Variants in TUSC3 observed in about 807,000 individuals in gnomAD.
TUSC3 encodes the protein dolichyl-diphosphooligosaccharide--protein glycosyltransferase subunit TUSC3.
In TUSC3, 45 loss-of-function variants were observed where a neutral mutation model predicts 44.8. That is an observed-to-expected ratio of 1.00 (90% confidence interval 0.79 to 1.29). The LOEUF (loss-of-function observed/expected upper bound fraction) is 1.29. Ranked by LOEUF, TUSC3 falls within the 50% of genes most tolerant of loss-of-function variation. The pLI is 0.00. For synonymous variants in TUSC3, 212 were observed against 152.9 expected (o/e 1.39, Z -2.85); for missense variants, 519 against 437.9 (o/e 1.19, Z -1.65).
At chr8:15,513,295 T>G (rs1044846241) in intron 2 of TUSC3, among the ~76,000 whole-genome samples, 5 of 151,958 alleles carry the variant, frequency 3.3e-5, no homozygotes, top group Middle Eastern at 3.4e-3. Flanking sequence ...TAGTCATGGG[T>G]AAAAAAAACT....
At chr8:15,578,196 A>T (rs1193232690) in intron 1 of TUSC3, among the ~76,000 whole-genome samples, 1 of 117,506 alleles carries the variant, frequency 8.5e-6, no homozygotes, top group African/African-American at 3.4e-5. Flanking sequence ...GTTGCTTATC[A>T]GCTTAAGGAG....
chr8:15,515,022 A>G (rs1801197554), intron 2 of TUSC3, among the ~76,000 whole-genome samples: 1 of 152,168 alleles, frequency 6.6e-6, no homozygotes, highest in African/African-American at 2.4e-5. Context: ...ATCTATCAAT[A>G]CATGTTTTTG....
chr8:15,450,478 G>T (rs865840949), intron 1 of TUSC3, among the ~76,000 whole-genome samples: 5 of 152,276 alleles, frequency 3.3e-5, no homozygotes, highest in Middle Eastern at 3.4e-3. Context: ...AAGGTCAGGA[G>T]TTCAAGCCCA....
the TUSC3 span, among the ~76,000 whole-genome samples, chr8:15,791,320 CG>C: frequency 6.6e-6 from 1 of 151,732 alleles, no homozygotes; most frequent in Non-Finnish European, 1.5e-5. Flanking sequence ...TCTTGAAATA[CG>C]ATTATCCATA....
rs111404956 is a variant in TUSC3, at chr8:15,644,548, A to G, written c.309-6149A>G. ...CATCAGTCCAAGCTGACAGAAACATATTCAAGGATCCTCTGAATTTCTTTA... is the reference window on the plus strand; with the variant it reads ...CATCAGTCCAAGCTGACAGAAACATGTTCAAGGATCCTCTGAATTTCTTTA... On this transcript the variant is annotated intron_variant, in intron 2 of 10. Coordinates refer to ENST00000503731, the MANE Select transcript of TUSC3 (RefSeq NM_006765.4). 2.8e-3 allele frequency among the ~76,000 whole-genome samples: 420 copies of G among 152,270 alleles called. 3 individuals carry two copies. Among genetic ancestry groups the G allele is most frequent in the African/African-American group, 9.7e-3 (404 of 41,556 alleles).
At chr8:15,738,887 CAG>C (rs1811060751) in intron 7 of TUSC3, among the ~76,000 whole-genome samples, 1 of 123,480 alleles carries the variant, frequency 8.1e-6, no homozygotes, top group Non-Finnish European at 1.6e-5. Context: ...GGCTGGAGTG[CAG>C]TGGTGCAATC....
chr8:15,692,922 C>G (rs976915561), intron 6 of TUSC3, among the ~76,000 whole-genome samples: 1 of 152,064 alleles, frequency 6.6e-6, no homozygotes, highest in Non-Finnish European at 1.5e-5. Flanking sequence ...AAGGGCTTGT[C>G]TTTCTTGATC....
chr8:15,463,420 T>C (rs1800373341), intron 1 of TUSC3, among the ~76,000 whole-genome samples: 1 of 152,132 alleles, frequency 6.6e-6, no homozygotes, highest in South Asian at 2.1e-4. Flanking sequence ...GTGGTCAAAA[T>C]TATTTTTAAA....
chr8:15,700,629 A>G (rs940359310), intron 6 of TUSC3, among the ~76,000 whole-genome samples: 16 of 152,202 alleles, frequency 1.1e-4, no homozygotes, highest in African/African-American at 3.9e-4. Context: ...GGCTAGAAAG[A>G]TAATTTGTTA....
chr8:15,473,925 T>C (rs1800532799), intron 1 of TUSC3, among the ~76,000 whole-genome samples: 1 of 151,714 alleles, frequency 6.6e-6, no homozygotes, highest in African/African-American at 2.4e-5. Context: ...CAGGGCGAGG[T>C]TTTTCTCCAA....
intron 1 of TUSC3, among the ~76,000 whole-genome samples, 185 bp from the exon 2 acceptor site, chr8:15,622,895 A>T (rs941420472): frequency 6.6e-6 from 1 of 152,148 alleles, no homozygotes; most frequent in Admixed American, 6.6e-5. Context: ...GCCAAGAGAA[A>T]ACCCAACATT....
intron 1 of TUSC3, chr8:15,483,293 G>T: frequency 5.3e-6 from 1 of 190,068 alleles, no homozygotes; most frequent in Non-Finnish European, 1.1e-5. Flanking sequence ...CCTCTAAGAT[G>T]AAGAATAAAG....
chr8:15,482,490 G>T (rs1434099118), intron 1 of TUSC3, among the ~76,000 whole-genome samples: 1 of 152,184 alleles, frequency 6.6e-6, no homozygotes, highest in Non-Finnish European at 1.5e-5. Flanking sequence ...TAAGGTCACT[G>T]TTGAGACCTG....
intron 2 of TUSC3, among the ~76,000 whole-genome samples, chr8:15,495,679 C>T (rs994168130): frequency 6.6e-6 from 1 of 152,122 alleles, no homozygotes; most frequent in South Asian, 2.1e-4. Context: ...ACCAAGTATA[C>T]CTGCCATGAT....
At chr8:15,616,348 C>T (rs1210392213) in intron 1 of TUSC3, among the ~76,000 whole-genome samples, 7 of 151,908 alleles carry the variant, frequency 4.6e-5, no homozygotes, top group East Asian at 1.9e-4. Context: ...GAGGCCATGG[C>T]GGGTGGATCA....
chr8:15,715,741 A>G (rs1001353419), intron 6 of TUSC3, among the ~76,000 whole-genome samples: 1 of 151,996 alleles, frequency 6.6e-6, no homozygotes, highest in Non-Finnish European at 1.5e-5. Flanking sequence ...GGTGGTCTCT[A>G]TTTTAGAAAA....
intron 6 of TUSC3, among the ~76,000 whole-genome samples, chr8:15,718,910 C>T (rs1421256): frequency 0.075 from 11,335 of 152,018 alleles, 458 homozygotes; most frequent in Middle Eastern, 0.13. Context: ...GAAATCTTGT[C>T]GTTCTTCCTT....
intron 1 of TUSC3, among the ~76,000 whole-genome samples, chr8:15,561,933 C>T (rs1397674254): frequency 3.3e-5 from 5 of 152,168 alleles, no homozygotes; most frequent in South Asian, 2.1e-4. Context: ...GAACCCGGTA[C>T]CTCAGATGGA....
chr8:15,475,756 T>A (rs1800566751), intron 1 of TUSC3, among the ~76,000 whole-genome samples: 1 of 152,114 alleles, frequency 6.6e-6, no homozygotes, highest in South Asian at 2.1e-4. Context: ...AAATACAGAG[T>A]AAAGGGAAGG....
Sources: allele counts gnomAD v4.1 joint callset (sites outside exome capture counted in the v4.1 genomes callset), GRCh38; gene constraint gnomAD v4.1.1; transcripts MANE v1.5; gene names NCBI Gene and HGNC (gene_info 2026-07-23, HGNC 2026-07-21).